Variants in PATJ observed in about 807,000 individuals in gnomAD.
PATJ encodes PATJ crumbs cell polarity complex component, also known as inaD-like protein.
PATJ carries 190 observed loss-of-function variants against 224.9 expected under a neutral mutation model. That is an observed-to-expected ratio of 0.84 (90% CI 0.75 to 0.95). The LOEUF (loss-of-function observed/expected upper bound fraction) is 0.95, where lower values mean the gene tolerates loss of function less well. Among genes scored for constraint, PATJ ranks in the 40% least tolerant of loss-of-function variants. PATJ has a pLI of 0.00. For synonymous variants in PATJ, 769 were observed against 820.3 expected, an observed-to-expected ratio of 0.94 and a Z score of 1.07; for missense variants, 2,121 against 2,270.3, an observed-to-expected ratio of 0.93 and a Z score of 1.34.
In PATJ at chr1:61,821,431, G is replaced by C. The variant is rs192381475; in HGVS notation, c.1684-1514G>C. On this transcript the variant is annotated intron_variant, in intron 14 of 43. Transcript: ENST00000642238. ...AGATCCTGAAGTGCTTAGTGGTCAG[G>C]AGCACTTAATTTTCAGGAAATTATC... 1.8e-3 allele frequency among the ~76,000 whole-genome samples: 268 copies of C among 152,310 alleles called. 1 individual carries two copies. Among genetic ancestry groups the C allele is most frequent in the African/African-American group, 6.0e-3 (250 of 41,574 alleles).
intron 18 of PATJ, among the ~76,000 whole-genome samples, chr1:61,860,205 T>C (rs1379995028): frequency 1.3e-5 from 2 of 151,864 alleles, no homozygotes; most frequent in Non-Finnish European, 2.9e-5. Flanking sequence ...ACCCCAAAAA[T>C]GAATGAAATG....
intron 22 of PATJ, among the ~76,000 whole-genome samples, chr1:61,897,330 G>A (rs1364278409): frequency 1.3e-5 from 2 of 152,194 alleles, no homozygotes; most frequent in Non-Finnish European, 2.9e-5. Context: ...ATCATTGAGG[G>A]ATTACAGTTA....
At chr1:62,133,673 G>A (rs1666499888) in intron 41 of PATJ, among the ~76,000 whole-genome samples, 1 of 151,950 alleles carries the variant, frequency 6.6e-6, no homozygotes, top group African/African-American at 2.4e-5. Flanking sequence ...ACTTTAGCAC[G>A]CTCTGGAAAC....
rs780599171 is a variant in PATJ, at chr1:62,084,561, T to C, written c.4290T>C (p.Ile1430=). ...PLSVDPATCP[I]VPGQEMIIEI... ...CAGTGGACCCCGCAACGTGTCCCAT[T>C]GTCCCTGGACAGGAAATGATTATAG... The change falls in exon 33 of 44, where the codon ATT becomes ATC. Residue 1430 remains isoleucine (I), a synonymous_variant. Coordinates refer to ENST00000642238, the MANE Select transcript of PATJ (RefSeq NM_001350145.3). The C allele has an allele frequency of 1.2e-6, 2 of 1,613,478 alleles. No homozygotes were observed. Among genetic ancestry groups the C allele is most frequent in the South Asian group, 2.2e-5 (2 of 90,744 alleles).
intron 7 of PATJ, among the ~76,000 whole-genome samples, chr1:61,780,046 C>T (rs761194319): frequency 6.6e-6 from 1 of 152,194 alleles, no homozygotes; most frequent in Non-Finnish European, 1.5e-5. Flanking sequence ...AAACACCTCC[C>T]ACTGGGCCCC....
chr1:62,016,304 CTA>C (rs1646767087), intron 28 of PATJ, among the ~76,000 whole-genome samples: 1 of 152,142 alleles, frequency 6.6e-6, no homozygotes, highest in South Asian at 2.1e-4. Context: ...CACATTATAA[CTA>C]TTTTGACAAA....
intron 6 of PATJ, among the ~76,000 whole-genome samples, chr1:61,772,157 T>C (rs1646657613): frequency 6.7e-6 from 1 of 149,914 alleles, no homozygotes; most frequent in South Asian, 2.2e-4. Context: ...CCTTTAAGAT[T>C]ATTATTTAAT....
chr1:62,029,900 G>A (rs1188625767), intron 29 of PATJ, among the ~76,000 whole-genome samples: 1 of 152,162 alleles, frequency 6.6e-6, no homozygotes, highest in African/African-American at 2.4e-5. Flanking sequence ...ATGCAAATAA[G>A]AAACTATACA....
chr1:62,073,736 TCCCAGCTA>T (rs905676578), intron 31 of PATJ, among the ~76,000 whole-genome samples: 22 of 152,262 alleles, frequency 1.4e-4, no homozygotes, highest in African/African-American at 5.3e-4. Context: ...ATACCTGTAG[TCCCAGCTA>T]CTCAGGTAGC....
At chr1:61,966,560 C>T (rs952992819) in intron 27 of PATJ, among the ~76,000 whole-genome samples, 7 of 151,908 alleles carry the variant, frequency 4.6e-5, no homozygotes, top group Non-Finnish European at 1.0e-4. Flanking sequence ...GTGGTGGGCC[C>T]CTGTAACCCC....
At chr1:62,051,681 G>A (rs948132695) in intron 31 of PATJ, among the ~76,000 whole-genome samples, 1 of 152,106 alleles carries the variant, frequency 6.6e-6, no homozygotes, top group Non-Finnish European at 1.5e-5. Flanking sequence ...GGCCAGAGCT[G>A]TGCTTAATTA....
At chr1:62,123,389 AAAT>A (rs1021621615) in intron 39 of PATJ, among the ~76,000 whole-genome samples, 28 of 151,820 alleles carry the variant, frequency 1.8e-4, no homozygotes, top group Non-Finnish European at 1.5e-5. Flanking sequence ...GGCACATACT[AAAT>A]AAGTATTTTT....
intron 12 of PATJ, among the ~76,000 whole-genome samples, chr1:61,804,758 A>G (rs893233235): frequency 1.2e-4 from 18 of 152,186 alleles, no homozygotes; most frequent in African/African-American, 4.3e-4. Flanking sequence ...CAAGACACTT[A>G]AAATCTGTTT....
intron 31 of PATJ, among the ~76,000 whole-genome samples, chr1:62,075,917 C>CAA (rs796303716): frequency 0.028 from 2,208 of 79,854 alleles, 43 homozygotes; most frequent in South Asian, 0.12. Flanking sequence ...GACTCCGTCT[C>CAA]AAAAAAAAAA....
chr1:62,104,864 G>C (rs540529660), intron 33 of PATJ, among the ~76,000 whole-genome samples: 54 of 152,020 alleles, frequency 3.6e-4, no homozygotes, highest in African/African-American at 1.3e-3. Flanking sequence ...TAGAGACGGG[G>C]TTTCACCATG....
rs34658070 is a variant in PATJ at position 62,010,078 on chromosome 1, C to CAAAA, written c.3868-7763_3868-7760dup. On this transcript the variant is annotated intron_variant, in intron 28 of 43. Transcript: ENST00000642238. Reference sequence around the variant, plus strand: ...AGCCTGGGGGAGTGAGACTCCATCTCAAAAAAAAAAAAAAAAAAGAAAGAA... The same window carrying CAAAA: ...AGCCTGGGGGAGTGAGACTCCATCTCAAAAAAAAAAAAAAAAAAAAAAGAAAGAA... Among the ~76,000 whole-genome samples the CAAAA allele has an allele frequency of 9.7e-4, 82 of 84,128 alleles. 1 individual carries two copies. Among genetic ancestry groups the CAAAA allele is most frequent in the South Asian group, 2.1e-3 (5 of 2,336 alleles). 55.2% of individuals were successfully genotyped at this position (84,128 alleles called of 152,430 possible).
At position 61,763,564 on chromosome 1, in the gene PATJ, A is replaced by G. The variant is rs142126307; in HGVS notation, c.189+385A>G. Among the ~76,000 whole-genome samples, 70 of 151,928 alleles carry G rather than the reference A, an allele frequency of 4.6e-4. 1 individual carries two copies. The highest frequency in any genetic ancestry group is 1.6e-3 in the African/African-American group (66 of 41,470). On this transcript the variant is annotated intron_variant, in intron 3 of 43. Coordinates refer to ENST00000642238, the MANE Select transcript of PATJ (RefSeq NM_001350145.3). ...AAAAAAAAAAATTGTGTTTGGTTTTAGAATATGGTTTTTGTACTTATTTAA... is the reference window on the plus strand; with the variant it reads ...AAAAAAAAAAATTGTGTTTGGTTTTGGAATATGGTTTTTGTACTTATTTAA...
chr1:61,813,869 A>G (rs1655470233), intron 14 of PATJ, among the ~76,000 whole-genome samples: 1 of 152,178 alleles, frequency 6.6e-6, no homozygotes, highest in African/African-American at 2.4e-5. Flanking sequence ...AGAAGACTAA[A>G]GAGAAATAGT....
intron 37 of PATJ, 29 bp downstream of exon 37, chr1:62,117,247 T>C (rs772977410): frequency 6.8e-6 from 11 of 1,613,534 alleles, no homozygotes; most frequent in Non-Finnish European, 9.3e-6. Context: ...TCAGACTGAC[T>C]CACTCTTCTG....
Sources: allele counts gnomAD v4.1 joint callset (sites outside exome capture counted in the v4.1 genomes callset), GRCh38; gene constraint gnomAD v4.1.1; transcripts MANE v1.5; gene names NCBI Gene and HGNC (gene_info 2026-07-23, HGNC 2026-07-21).